The following WWOX variants were observed in gnomAD, a reference collection of about 807,000 sequenced individuals.
WWOX encodes the protein WW domain containing oxidoreductase.
In WWOX, 69 loss-of-function variants were observed where a neutral mutation model predicts 46.2. The ratio of observed to expected loss-of-function variants is 1.49; its 90% confidence interval spans 1.23 to 1.82. The LOEUF (loss-of-function observed/expected upper bound fraction) is 1.82. Ranked by LOEUF, WWOX falls within the 40% of genes most tolerant of loss-of-function variation. WWOX has a pLI of 0.00. For synonymous variants in WWOX, 359 were observed against 202.6 expected (o/e 1.77, Z -6.56); for missense variants, 919 against 542.6 (o/e 1.69, Z -6.89).
chr16:78,740,730 A>T (rs2049201403), intron 8 of WWOX, among the ~76,000 whole-genome samples: 1 of 152,146 alleles, frequency 6.6e-6, no homozygotes, highest in Admixed American at 6.5e-5. Context: ...GGAAGCATTC[A>T]ATTTGACACA....
At chr16:78,423,839 T>A (rs1360076813) in intron 6 of WWOX, among the ~76,000 whole-genome samples, 1 of 144,596 alleles carries the variant, frequency 6.9e-6, no homozygotes, top group Non-Finnish European at 1.5e-5. Flanking sequence ...GAGAAAGATC[T>A]TGTCAAAAAA....
At chr16:78,118,926 T>C (rs1002794857) in intron 4 of WWOX, 8 of 152,096 alleles carry the variant, frequency 5.3e-5, no homozygotes, top group African/African-American at 9.7e-5. Context: ...AAACTAACAC[T>C]CTTCTCTCCT....
chr16:78,490,659 A>C (rs976573124), intron 8 of WWOX, among the ~76,000 whole-genome samples: 1 of 152,174 alleles, frequency 6.6e-6, no homozygotes, highest in Non-Finnish European at 1.5e-5. Context: ...TGACTTGGAA[A>C]GCACCCACGT....
intron 8 of WWOX, among the ~76,000 whole-genome samples, chr16:79,090,525 T>C (rs151048467): frequency 6.6e-6 from 1 of 152,070 alleles, no homozygotes; most frequent in Non-Finnish European, 1.5e-5. Context: ...AATCAAGACA[T>C]GCAAGCAAGG....
At chr16:78,296,343 A>C (rs2079944024) in intron 5 of WWOX, among the ~76,000 whole-genome samples, 1 of 151,888 alleles carries the variant, frequency 6.6e-6, no homozygotes, top group South Asian at 2.1e-4. Flanking sequence ...TAGTCTTATT[A>C]TTGTAATCTC....
At chr16:78,971,867 C>G (rs1345638640) in intron 8 of WWOX, among the ~76,000 whole-genome samples, 1 of 152,086 alleles carries the variant, frequency 6.6e-6, no homozygotes, top group African/African-American at 2.4e-5. Context: ...TTCCTGGGAC[C>G]TCAGTTTCCT....
At chr16:79,210,196 C>G (rs1449940373) in intron 8 of WWOX, among the ~76,000 whole-genome samples, 20 of 152,198 alleles carry the variant, frequency 1.3e-4, no homozygotes, top group Admixed American at 9.8e-4. Context: ...CAGACCAACT[C>G]CATTGTTACT....
At chr16:79,038,970 A>G (rs1322008641) in intron 8 of WWOX, among the ~76,000 whole-genome samples, 1 of 152,124 alleles carries the variant, frequency 6.6e-6, no homozygotes, top group East Asian at 1.9e-4. Flanking sequence ...CCCTAGGATC[A>G]TTTTTTTCAA....
At chr16:78,553,551 T>G (rs2044222200) in intron 8 of WWOX, among the ~76,000 whole-genome samples, 1 of 152,102 alleles carries the variant, frequency 6.6e-6, no homozygotes, top group Non-Finnish European at 1.5e-5. Flanking sequence ...GTCTACTATC[T>G]CTAAGAATCC....
intron 8 of WWOX, among the ~76,000 whole-genome samples, chr16:78,753,650 A>G (rs1348662927): frequency 1.3e-5 from 2 of 151,134 alleles, no homozygotes; most frequent in African/African-American, 2.4e-5. Context: ...ACATAAACAG[A>G]AATTAGCTGG....
At chr16:78,382,314 G>C (rs1050272625) in intron 5 of WWOX, among the ~76,000 whole-genome samples, 9 of 152,198 alleles carry the variant, frequency 5.9e-5, no homozygotes, top group Admixed American at 5.2e-4. Flanking sequence ...GGAAGTCTTT[G>C]AGATGCCACG....
At chr16:78,384,099 G>C (rs1377478384) in intron 5 of WWOX, among the ~76,000 whole-genome samples, 1 of 152,162 alleles carries the variant, frequency 6.6e-6, no homozygotes, top group Admixed American at 6.5e-5. Context: ...TGTTCTTCCT[G>C]TTTTATGGGG....
chr16:78,890,362 A>G (rs1175973718), intron 8 of WWOX: 2 of 152,190 alleles, frequency 1.3e-5, no homozygotes, highest in African/African-American at 4.8e-5. Context: ...TTTGACCTCC[A>G]TCATTCTTAA....
At chr16:79,034,862 T>C (rs1395989811) in intron 8 of WWOX, among the ~76,000 whole-genome samples, 2 of 152,194 alleles carry the variant, frequency 1.3e-5, no homozygotes, top group African/African-American at 4.8e-5. Flanking sequence ...GTATGGTCTT[T>C]TAAATTATTA....
intron 5 of WWOX, among the ~76,000 whole-genome samples, chr16:78,376,070 G>A (rs1464116634): frequency 3.3e-5 from 5 of 151,944 alleles, no homozygotes; most frequent in Non-Finnish European, 2.9e-5. Flanking sequence ...GGCTGTTCTC[G>A]AACTCCTGAC....
chr16:78,774,540 G>A (rs966515799), intron 8 of WWOX, among the ~76,000 whole-genome samples: 3 of 150,646 alleles, frequency 2.0e-5, no homozygotes, highest in East Asian at 2.0e-4. Flanking sequence ...GTGCGCGTGC[G>A]CACACGCATG....
chr16:79,136,843 G>C (rs1466694355), intron 8 of WWOX, among the ~76,000 whole-genome samples: 1 of 152,206 alleles, frequency 6.6e-6, no homozygotes, highest in East Asian at 1.9e-4. Context: ...AACATTTCCA[G>C]AATATGTGTA....
intron 8 of WWOX, among the ~76,000 whole-genome samples, chr16:79,124,147 C>T (rs1057395222): frequency 3.9e-5 from 6 of 152,088 alleles, no homozygotes; most frequent in African/African-American, 1.4e-4. Flanking sequence ...TCGGATGGTG[C>T]CCCAGAGGGT....
chr16:78,359,225 C>T (rs11648339), intron 5 of WWOX, among the ~76,000 whole-genome samples: 79,120 of 152,104 alleles, frequency 0.52, 22,192 homozygotes, highest in Non-Finnish European at 0.64. Flanking sequence ...GGTATCTCCT[C>T]TGATAACACA....
Sources: allele counts gnomAD v4.1 joint callset (sites outside exome capture counted in the v4.1 genomes callset), GRCh38; gene constraint gnomAD v4.1.1; transcripts MANE v1.5; gene names NCBI Gene and HGNC (gene_info 2026-07-23, HGNC 2026-07-21).